UVRAG: variants seen among roughly 807,000 people sequenced by gnomAD.
UVRAG encodes UV radiation resistance-associated gene protein.
Under a neutral mutation model 78.0 loss-of-function variants are expected in UVRAG, and 19 were observed. The observed-to-expected ratio is 0.24, with a 90% CI of 0.17 to 0.36. The LOEUF (loss-of-function observed/expected upper bound fraction) is 0.36. Ranked by LOEUF, UVRAG falls within the 10% of genes least tolerant of loss-of-function variation. The pLI is 1.00. For missense variants in UVRAG, 740 were observed against 853.8 expected (o/e 0.87, Z 1.66); for synonymous variants, 323 against 324.6 (o/e 1.00, Z 0.05).
At chr11:75,883,398 A>G (rs1590972617) in intron 4 of UVRAG, among the ~76,000 whole-genome samples, 1 of 151,994 alleles carries the variant, frequency 6.6e-6, no homozygotes, top group East Asian at 1.9e-4. Flanking sequence ...GAAAAAAAAA[A>G]AAGAAAAAAC....
intron 14 of UVRAG, among the ~76,000 whole-genome samples, chr11:76,134,118 A>T (rs1952561165): frequency 6.7e-6 from 1 of 150,204 alleles, no homozygotes; most frequent in Admixed American, 6.6e-5. Context: ...CCACCACTAC[A>T]CCGGGCTAAT....
At chr11:76,068,206 C>T (rs144487115) in intron 13 of UVRAG, among the ~76,000 whole-genome samples, 4 of 152,136 alleles carry the variant, frequency 2.6e-5, no homozygotes, top group Non-Finnish European at 1.5e-5. Context: ...GGAGCAAGAC[C>T]AAGATGGAGG....
At chr11:76,039,135 A>G (rs911469702) in intron 12 of UVRAG, among the ~76,000 whole-genome samples, 5 of 152,196 alleles carry the variant, frequency 3.3e-5, no homozygotes, top group African/African-American at 7.2e-5. Flanking sequence ...TTACTTGATC[A>G]CCCTATGTGC....
Position 75,997,585 on chromosome 11 carries a change from C to A in UVRAG, c.827-6420C>A, listed in dbSNP as rs185859919. 2.2e-4 allele frequency among the ~76,000 whole-genome samples: 34 copies of A among 152,220 alleles called. No homozygotes were observed. In the East Asian group the frequency reaches 6.2e-3, roughly 28 times the overall value. On this transcript the variant is annotated intron_variant, in intron 8 of 14. Transcript: ENST00000356136. ...ACCTATTGATGTGATAATAAATATA[C>A]ATGTATAAAGAATGAAACCATGGTA... is the stretch of plus-strand genomic sequence containing the variant.
intron 1 of UVRAG, among the ~76,000 whole-genome samples, chr11:75,847,374 G>C (rs1199916824): frequency 6.6e-6 from 1 of 151,150 alleles, no homozygotes; most frequent in East Asian, 2.0e-4. Flanking sequence ...TGATCCACCC[G>C]CCTCGGCCTC....
intron 1 of UVRAG, among the ~76,000 whole-genome samples, chr11:75,836,319 C>T (rs1032557753): frequency 6.6e-6 from 1 of 152,172 alleles, no homozygotes; most frequent in Admixed American, 6.5e-5. Context: ...AAGCACTGAT[C>T]TAGGCCATCT....
intron 8 of UVRAG, among the ~76,000 whole-genome samples, chr11:75,985,747 T>C (rs911394521): frequency 2.6e-5 from 4 of 152,174 alleles, no homozygotes; most frequent in Non-Finnish European, 4.4e-5. Context: ...TTTTTCGTAT[T>C]GATAGTCAGT....
At chr11:75,914,449 TA>T (rs1947807711) in intron 6 of UVRAG, 2 of 152,232 alleles carry the variant, frequency 1.3e-5, no homozygotes, top group Admixed American at 1.3e-4. Context: ...CTTAACTCTA[TA>T]AAATTCTGCA....
intron 7 of UVRAG, among the ~76,000 whole-genome samples, chr11:75,970,284 C>T (rs888416447): frequency 3.9e-5 from 6 of 152,148 alleles, no homozygotes; most frequent in African/African-American, 9.7e-5. Context: ...TATATGGAAA[C>T]GTAAGTTAAC....
intron 6 of UVRAG, among the ~76,000 whole-genome samples, chr11:75,919,987 A>G (rs1947938941): frequency 7.0e-6 from 1 of 143,484 alleles, no homozygotes; most frequent in Non-Finnish European, 1.5e-5. Context: ...TTCAATCAAA[A>G]TTTAAAATAA....
intron 1 of UVRAG, among the ~76,000 whole-genome samples, chr11:75,848,933 C>T (rs957805941): frequency 6.6e-6 from 1 of 152,146 alleles, no homozygotes; most frequent in African/African-American, 2.4e-5. Flanking sequence ...AATCTCAGCA[C>T]TTTGGGGAGC....
At chr11:75,899,596 G>T (rs2134980289) in intron 5 of UVRAG, among the ~76,000 whole-genome samples, 1 of 152,254 alleles carries the variant, frequency 6.6e-6, no homozygotes, top group East Asian at 1.9e-4. Flanking sequence ...TTGAAGGCTT[G>T]TTTTCTTAAC....
At chr11:76,001,075 C>G (rs1949804823) in intron 8 of UVRAG, among the ~76,000 whole-genome samples, 1 of 152,126 alleles carries the variant, frequency 6.6e-6, no homozygotes, top group Non-Finnish European at 1.5e-5. Context: ...ATGGAACATT[C>G]AGTTAGACCA....
chr11:75,831,491 A>AAAC (rs1945654877), intron 1 of UVRAG, among the ~76,000 whole-genome samples: 1 of 107,904 alleles, frequency 9.3e-6, no homozygotes, highest in African/African-American at 5.3e-5. Context: ...TCCTTCTCAA[A>AAAC]AAACAAACAA....
At chr11:75,935,682 C>T (rs1488124047) in intron 6 of UVRAG, among the ~76,000 whole-genome samples, 1 of 152,136 alleles carries the variant, frequency 6.6e-6, no homozygotes. Context: ...CTTGAAGAAA[C>T]ATTACAGAAA....
intron 12 of UVRAG, among the ~76,000 whole-genome samples, chr11:76,026,171 A>G (rs1950323292): frequency 6.6e-6 from 1 of 152,174 alleles, no homozygotes; most frequent in Non-Finnish European, 1.5e-5. Context: ...TATAAGTAAT[A>G]AGTTTTCTGT....
At chr11:75,842,267 G>A (rs1945930851) in intron 1 of UVRAG, among the ~76,000 whole-genome samples, 1 of 152,130 alleles carries the variant, frequency 6.6e-6, no homozygotes, top group Non-Finnish European at 1.5e-5. Flanking sequence ...CTGTAAGAGA[G>A]CATGTCAGAT....
chr11:75,867,102 T>G (rs952841929), intron 3 of UVRAG, among the ~76,000 whole-genome samples: 4 of 152,236 alleles, frequency 2.6e-5, no homozygotes, highest in African/African-American at 9.6e-5. Context: ...TTTGCTTCTC[T>G]AATACCAAAT....
chr11:75,955,974 T>C (rs1948789424), intron 6 of UVRAG, among the ~76,000 whole-genome samples: 1 of 152,216 alleles, frequency 6.6e-6, no homozygotes, highest in African/African-American at 2.4e-5. Flanking sequence ...ACCACTCTTT[T>C]GATTTGTCAC....
Sources: gnomAD v4.1 joint callset for allele counts (sites outside exome capture counted in the v4.1 genomes callset) on GRCh38, gnomAD v4.1.1 for gene constraint, MANE v1.5 for transcripts, NCBI Gene and HGNC (gene_info 2026-07-23, HGNC 2026-07-21) for gene names.